Variants in WWP2 observed in about 807,000 individuals in gnomAD.
The protein encoded by WWP2 is NEDD4-like E3 ubiquitin-protein ligase WWP2.
WWP2 carries 57 observed loss-of-function variants against 121.0 expected under a neutral mutation model. That is an observed-to-expected ratio of 0.47 (90% CI 0.38 to 0.59). The LOEUF is 0.59. Ranked by LOEUF, WWP2 falls within the 20% of genes least tolerant of loss-of-function variation. WWP2 has a pLI of 0.00. For synonymous variants in WWP2, 449 were observed against 441.3 expected, an observed-to-expected ratio of 1.02 and a Z score of -0.22; for missense variants, 962 against 1,158.9, an observed-to-expected ratio of 0.83 and a Z score of 2.47.
At position 69,937,230 on chromosome 16, in the gene WWP2, G is replaced by T; in HGVS notation, c.2230G>T (p.Glu744Ter). The T allele has an allele frequency of 6.2e-7, 1 of 1,613,600 alleles. No individual in the cohort carries two copies. The highest frequency in any genetic ancestry group is 1.1e-5 in the South Asian group (1 of 90,978). The change falls in exon 20 of 24, where the codon GAG becomes TAG. Residue 744 changes from glutamate to a stop codon, truncating the protein, a stop_gained. Transcript: ENST00000359154. LOFTEE classifies it high-confidence loss of function. The surrounding 1 kb of genome is among the most constrained non-coding windows in gnomAD (Gnocchi z 6.6). ...GTGGCTGCGCTACTTTGACGAGAAA[G>T]AGCTGGAGGTGAGTGTCTGAGGTTG... The part of the protein sequence containing the change: ...LEWLRYFDEK[E>*]LELMLCGMQE...
intron 6 of WWP2, among the ~76,000 whole-genome samples, chr16:69,866,704 C>G (rs915737848): frequency 1.1e-4 from 17 of 152,174 alleles, no homozygotes; most frequent in Admixed American, 3.3e-4. Context: ...ATCCATTTGT[C>G]GAGGATGGGT....
intron 7 of WWP2, among the ~76,000 whole-genome samples, chr16:69,876,203 C>T (rs2057732444): frequency 6.6e-6 from 1 of 151,906 alleles, no homozygotes; most frequent in Admixed American, 6.6e-5. Flanking sequence ...GGTGATCTGC[C>T]TGCCTTGGCC....
rs780658889 is a variant in WWP2 at position 69,935,816 on chromosome 16, A to G, written c.1843-37A>G. On this transcript the variant is annotated intron_variant, in intron 17 of 23. Coordinates refer to ENST00000359154, the MANE Select transcript of WWP2 (RefSeq NM_001270454.2). The surrounding 1 kb of genome is among the most constrained non-coding windows in gnomAD (Gnocchi z 5.2). ...GAGCTGGTCTTGGCAGTGCCCAGGG[A>G]AGGCCAAACCTCTGTGCTGTGCCTC... 8 of 1,586,820 alleles carry G rather than the reference A, an allele frequency of 5.0e-6. No homozygotes were observed. The highest frequency in any genetic ancestry group is 6.8e-6 in the Non-Finnish European group (8 of 1,168,210).
At chr16:69,851,316 A>C (rs904070005) in intron 6 of WWP2, among the ~76,000 whole-genome samples, 35 of 151,556 alleles carry the variant, frequency 2.3e-4, no homozygotes, top group African/African-American at 8.3e-4. Flanking sequence ...GAGTAGTTTC[A>C]CTGCCCTGTG....
chr16:69,848,446 A>G (rs1187802374), intron 6 of WWP2, among the ~76,000 whole-genome samples: 1 of 150,952 alleles, frequency 6.6e-6, no homozygotes, highest in African/African-American at 2.4e-5. Context: ...GCAAAGCTCC[A>G]TCTCAAAAAA....
At chr16:69,875,007 G>A (rs2151921106) in intron 7 of WWP2, among the ~76,000 whole-genome samples, 1 of 128,276 alleles carries the variant, frequency 7.8e-6, no homozygotes, top group African/African-American at 3.2e-5. Flanking sequence ...GGGCAACAGA[G>A]TGAGACCTTG....
intron 2 of WWP2, among the ~76,000 whole-genome samples, chr16:69,796,067 A>G (rs1437629077): frequency 6.6e-6 from 1 of 151,712 alleles, no homozygotes; most frequent in African/African-American, 2.4e-5. Flanking sequence ...TTGGCAAAAT[A>G]CGAATAAAGT....
chr16:69,912,302 AAAAC>A (rs2058390492), intron 9 of WWP2, among the ~76,000 whole-genome samples: 2 of 147,030 alleles, frequency 1.4e-5, no homozygotes, highest in African/African-American at 5.2e-5. Flanking sequence ...AAAAAAAAAC[AAAAC>A]AAAACCTCAT....
At chr16:69,848,637 T>TAAAAAA (rs529487746) in intron 6 of WWP2, among the ~76,000 whole-genome samples, 4 of 81,890 alleles carry the variant, frequency 4.9e-5, no homozygotes, top group Non-Finnish European at 4.7e-5. Context: ...ATGCTGTTGC[T>TAAAAAA]AAAAAAAAAA....
At position 69,935,449 on chromosome 16, in the gene WWP2, C is replaced by T. The variant is rs2058782766; in HGVS notation, c.1843-404C>T. Among the ~76,000 whole-genome samples, 1 of 152,224 alleles carries T rather than the reference C, an allele frequency of 6.6e-6. No homozygotes were observed. Among genetic ancestry groups the T allele is most frequent in the Admixed American group, 6.5e-5 (1 of 15,282 alleles). The stretch of plus-strand genomic sequence containing the variant: ...GCGGTGTCTGCATTATTTTTGGCTG[C>T]CTTTGCCACCCACCCTGAGCGCCAG... On this transcript the variant is annotated intron_variant, in intron 17 of 23. Transcript: ENST00000359154. This position sits in a 1 kb window ranked among gnomAD's most constrained non-coding sequence, Gnocchi z 5.2.
chr16:69,893,208 A>C (rs2058056264), intron 8 of WWP2, among the ~76,000 whole-genome samples: 1 of 152,186 alleles, frequency 6.6e-6, no homozygotes, highest in Admixed American at 6.5e-5. Flanking sequence ...GGACAAGAAG[A>C]AGTGTGTCCT....
chr16:69,822,640 G>A lies in WWP2; in HGVS notation c.341-17486G>A, dbSNP rs889396258. Among the ~76,000 whole-genome samples the A allele has an allele frequency of 5.3e-5, 8 of 152,118 alleles. No homozygotes were observed. In the East Asian group the frequency reaches 7.7e-4, roughly 15 times the overall value. ...GACACCAGAAAGAGAAAAAGGAATC[G>A]TCTAGAGGAACAAGAGAAAATCATT... is the stretch of plus-strand genomic sequence containing the variant. On this transcript the variant is annotated intron_variant, in intron 4 of 23. Coordinates refer to ENST00000359154, the MANE Select transcript of WWP2 (RefSeq NM_001270454.2).
Position 69,878,894 on chromosome 16 carries a change from AC to A in WWP2, c.703+6965del, listed in dbSNP as rs149174633. ...AATGAGCTCTAGTGTGTATTAGCAG[AC>A]CGTCTTTCTAAGAGGATCAATCATA... is the stretch of plus-strand genomic sequence containing the variant. On this transcript the variant is annotated intron_variant, in intron 7 of 23. Transcript: ENST00000359154. 7.9e-3 allele frequency among the ~76,000 whole-genome samples: 1,208 copies of A among 152,314 alleles called. 17 individuals are homozygous for A. The highest frequency in any genetic ancestry group is 0.026 in the African/African-American group (1,098 of 41,558).
In WWP2 at chr16:69,939,852, T is replaced by C; in HGVS notation, c.2525T>C (p.Leu842Pro). ...CCCACTCTCAATAGCTTCAACCGTCTGGATCTTCCACCCTACAAGAGCTAC... is the reference window on the plus strand; with the variant it reads ...CCCACTCTCAATAGCTTCAACCGTCCGGATCTTCCACCCTACAAGAGCTAC... ...LPRSHTCFNR[L>P]DLPPYKSYEQ... The change falls in exon 24 of 24, where the codon CTG (leucine) becomes CCG (proline). Residue 842 changes from leucine to proline, a missense_variant. By Grantham distance (98) the Leu-to-Pro change is moderately conservative (BLOSUM62 -3). Coordinates refer to ENST00000359154, the MANE Select transcript of WWP2 (RefSeq NM_001270454.2). The C allele has an allele frequency of 1.9e-6, 3 of 1,613,808 alleles. No individual in the cohort carries two copies. Among genetic ancestry groups the C allele is most frequent in the Non-Finnish European group, 2.5e-6 (3 of 1,179,860 alleles).
Position 69,812,153 on chromosome 16 carries a change from G to GTACA in WWP2, c.340+12859_340+12862dup, listed in dbSNP as rs1396646099. ...ACATTGGCATCGGCGTTGTTGAAGA[G>GTACA]TACAGACCTTTTTTTTTTTTTTTTT... On this transcript the variant is annotated intron_variant, in intron 4 of 23. Coordinates refer to ENST00000359154, the MANE Select transcript of WWP2 (RefSeq NM_001270454.2). 4.2e-5 allele frequency among the ~76,000 whole-genome samples: 6 copies of GTACA among 142,670 alleles called. No homozygotes were observed. The East Asian group carries it at 1.3e-3, about 31-fold the overall frequency. The allele number at this position is 142,670 out of a possible 152,430, so 93.6% of individuals were successfully genotyped here. A position where few individuals can be genotyped will look rare whatever the true frequency, so the allele number is the denominator to read the frequency against.
At position 69,888,358 on chromosome 16, in the gene WWP2, G is replaced by A. The variant is rs761519005; in HGVS notation, c.914+109G>A. On this transcript the variant is annotated intron_variant, in intron 8 of 23. Coordinates refer to ENST00000359154, the MANE Select transcript of WWP2 (RefSeq NM_001270454.2). ...TATTACCTAGTGGCTAGTAGCCTCT[G>A]GGGAGGCTGCTGTGCATTGAAGCAA... 32 of 1,154,214 alleles carry A rather than the reference G, an allele frequency of 2.8e-5. No homozygotes were observed. The Middle Eastern group carries it at 7.9e-4, about 29-fold the overall frequency. The allele number at this position is 1,154,214 out of a possible 1,614,324, so 71.5% of individuals were successfully genotyped here.
At chr16:69,827,709 T>A (rs1265862147) in intron 4 of WWP2, among the ~76,000 whole-genome samples, 2 of 152,198 alleles carry the variant, frequency 1.3e-5, no homozygotes, top group Admixed American at 1.3e-4. Context: ...TGCGGTTCCC[T>A]GAGGGCACAG....
At chr16:69,922,497 G>A (rs1055424241) in intron 10 of WWP2, among the ~76,000 whole-genome samples, 9 of 152,264 alleles carry the variant, frequency 5.9e-5, no homozygotes, top group African/African-American at 2.2e-4. Flanking sequence ...GTTCTTTTCT[G>A]TTCCTAGTGA....
intron 9 of WWP2, among the ~76,000 whole-genome samples, chr16:69,916,878 T>C (rs1031809862): frequency 2.6e-5 from 4 of 152,018 alleles, no homozygotes; most frequent in African/African-American, 7.2e-5. Context: ...AAAAAAATCA[T>C]TGAGGCCGGG....
Sources: allele counts gnomAD v4.1 joint callset (sites outside exome capture counted in the v4.1 genomes callset), GRCh38; gene constraint gnomAD v4.1.1; non-coding constraint Gnocchi (gnomAD v3.1); transcripts MANE v1.5; gene names NCBI Gene and HGNC (gene_info 2026-07-23, HGNC 2026-07-21).